The following RYR2 variants were observed in gnomAD, a reference collection of about 807,000 sequenced individuals.
RYR2 encodes ryanodine receptor 2, also known as cardiac muscle ryanodine receptor-calcium release channel.
A neutral mutation model predicts 601.1 loss-of-function variants in RYR2; 227 were observed. That is an observed-to-expected ratio of 0.38 (90% CI 0.34 to 0.42). The LOEUF (loss-of-function observed/expected upper bound fraction) is 0.42, where lower values mean the gene tolerates loss of function less well. RYR2 is among the 10% of genes least tolerant of loss of function. The probability of loss-of-function intolerance (pLI) is 1.00; values close to 1 mark genes in which losing one functional copy is unlikely to be tolerated. For synonymous variants in RYR2, 2,223 were observed against 2,175.1 expected (o/e 1.02, Z -0.61); for missense variants, 4,646 against 6,156.5 (o/e 0.75, Z 8.21).
In RYR2 at chr1:237,784,773, T is replaced by G. The variant is rs1361307283; in HGVS notation, c.13061T>G (p.Leu4354Arg). Residue 4354 changes from leucine (L) to arginine (R), a missense_variant, in exon 90 of 105, where the codon CTG becomes CGG. Leu to Arg is a moderately radical substitution (Grantham distance 102). Coordinates refer to ENST00000366574, the MANE Select transcript of RYR2 (RefSeq NM_001035.3). The surrounding 1 kb of genome is among the most constrained non-coding windows in gnomAD (Gnocchi z 7.1). Reference sequence around the variant, plus strand: ...GGGGAGGAGGGAGAGAGGAAACCCCTGGAAGCCGCCCTGCCCTCCGAGGAT... The same window carrying G: ...GGGGAGGAGGGAGAGAGGAAACCCCGGGAAGCCGCCCTGCCCTCCGAGGAT... Reference protein sequence around the residue: ...GDGEEGERKPLEAALPSEDLT... With the variant: ...GDGEEGERKPREAALPSEDLT... 1.9e-6 allele frequency: 3 copies of G among 1,605,990 alleles called. No homozygotes were observed. Among genetic ancestry groups the G allele is most frequent in the Non-Finnish European group, 2.6e-6 (3 of 1,175,160 alleles).
Position 237,594,892 on chromosome 1 carries a change from T to TTTG in RYR2, c.4437-604_4437-603insGTT, listed in dbSNP as rs1573019166. Among the ~76,000 whole-genome samples the TTTG allele has an allele frequency of 8.0e-4, 12 of 15,006 alleles. 1 individual carries two copies. Among genetic ancestry groups the TTTG allele is most frequent in the African/African-American group, 1.3e-3 (12 of 8,996 alleles). The allele number at this position is 15,006 out of a possible 152,430, so 9.8% of individuals were successfully genotyped here. A position where few individuals can be genotyped will look rare whatever the true frequency, so the allele number is the denominator to read the frequency against. On this transcript the variant is annotated intron_variant, in intron 33 of 104. Coordinates refer to ENST00000366574, the MANE Select transcript of RYR2 (RefSeq NM_001035.3). Reference sequence around the variant, plus strand: ...TTGTGGTTAATATCACTGGGTTTTTTTTTTTTTTTTTTTTTTTTTTTTTTT... The same window carrying TTTG: ...TTGTGGTTAATATCACTGGGTTTTTTTTGTTTTTTTTTTTTTTTTTTTTTTTTT...
chr1:237,205,481 G>A (rs1052706409), intron 1 of RYR2, among the ~76,000 whole-genome samples: 1 of 152,156 alleles, frequency 6.6e-6, no homozygotes, highest in Non-Finnish European at 1.5e-5. Context: ...TGCCATGGTG[G>A]CGTTTGTGGC....
At chr1:237,126,129 C>A (rs370015314) in intron 1 of RYR2, among the ~76,000 whole-genome samples, 1 of 151,640 alleles carries the variant, frequency 6.6e-6, no homozygotes, top group African/African-American at 2.4e-5. Context: ...CCCAGCTACT[C>A]GGGAGGCTGA....
intron 2 of RYR2, among the ~76,000 whole-genome samples, chr1:237,321,408 G>A (rs1695619045): frequency 6.6e-6 from 1 of 152,076 alleles, no homozygotes; most frequent in African/African-American, 2.4e-5. Flanking sequence ...TTAAATAACA[G>A]ATTTCTTAAC....
chr1:237,522,177 T>C (rs918776266), intron 24 of RYR2, among the ~76,000 whole-genome samples: 3 of 152,026 alleles, frequency 2.0e-5, no homozygotes, highest in Non-Finnish European at 2.9e-5. Context: ...TTTCTATGCC[T>C]GGCTCTCATC....
rs551508675 is a variant in RYR2, at chr1:237,597,471, G to A, written c.4596+1814G>A. The stretch of plus-strand genomic sequence containing the variant: ...TAATTTTTGTATTTTTAATAGAGAT[G>A]GGGTTTCACGATGTTGGCCAGGATG... On this transcript the variant is annotated intron_variant, in intron 34 of 104. Coordinates refer to ENST00000366574, the MANE Select transcript of RYR2 (RefSeq NM_001035.3). 5.9e-5 allele frequency among the ~76,000 whole-genome samples: 9 copies of A among 151,710 alleles called. No homozygotes were observed. The South Asian group carries it at 1.9e-3, about 32-fold the overall frequency.
At chr1:237,478,573 T>C (rs948006363) in intron 17 of RYR2, among the ~76,000 whole-genome samples, 1 of 152,236 alleles carries the variant, frequency 6.6e-6, no homozygotes, top group African/African-American at 2.4e-5. Context: ...GAATTTCAGA[T>C]GGAAACGCAT....
At chr1:237,430,102 G>GTATATAACATATATAACATTCATA (rs1706641062) in intron 12 of RYR2, among the ~76,000 whole-genome samples, 2 of 148,868 alleles carry the variant, frequency 1.3e-5, no homozygotes, top group Admixed American at 6.7e-5. Context: ...ATATTGTTAG[G>GTATATAACATATATAACATTCATA]TATATAACAT....
At chr1:237,052,256 C>T (rs961450823) in intron 1 of RYR2, among the ~76,000 whole-genome samples, 2 of 152,076 alleles carry the variant, frequency 1.3e-5, no homozygotes, top group South Asian at 2.1e-4. Flanking sequence ...GAACAGTAAG[C>T]TTATGGTTCT....
chr1:237,524,528 A>C (rs1489900003), intron 24 of RYR2, among the ~76,000 whole-genome samples: 2 of 152,164 alleles, frequency 1.3e-5, no homozygotes, highest in Non-Finnish European at 2.9e-5. Context: ...AGCCTCTAAA[A>C]AGTACATTTT....
chr1:237,356,804 A>T (rs567577431), intron 4 of RYR2, among the ~76,000 whole-genome samples: 6 of 152,344 alleles, frequency 3.9e-5, no homozygotes, highest in African/African-American at 1.4e-4. Context: ...CTCAAGACTG[A>T]TATTCCTACT....
chr1:237,617,335 T>C lies in RYR2; in HGVS notation c.5765T>C (p.Ile1922Thr). ...TGTGACTGCCAGGTCCGGCACCGGA[T>C]AGAAGCCATTGTAGCCTTTTCAGAT... ...YLCDCQVRHR[I>T]EAIVAFSDDF... is the part of the protein sequence containing the mutation. The change falls in exon 38 of 105, where the codon ATA becomes ACA. Residue 1922 changes from isoleucine to threonine, a missense_variant. Transcript: ENST00000366574. 6.2e-7 allele frequency: 1 copy of C among 1,613,898 alleles called. No homozygotes were observed. The highest frequency in any genetic ancestry group is 8.5e-7 in the Non-Finnish European group (1 of 1,179,830).
chr1:237,149,531 T>C (rs939000635), intron 1 of RYR2, among the ~76,000 whole-genome samples: 3 of 152,080 alleles, frequency 2.0e-5, no homozygotes, highest in South Asian at 2.1e-4. Flanking sequence ...GGATTAACCA[T>C]AGGTAGCATT....
chr1:237,775,096 CAG>C (rs1694561563), intron 87 of RYR2, among the ~76,000 whole-genome samples: 13 of 107,036 alleles, frequency 1.2e-4, no homozygotes, highest in Admixed American at 3.7e-4. Flanking sequence ...AAAAAAAAAA[CAG>C]AAGTAACAAG....
At chr1:237,529,277 A>G (rs928205577) in intron 24 of RYR2, among the ~76,000 whole-genome samples, 8 of 152,158 alleles carry the variant, frequency 5.3e-5, no homozygotes, top group African/African-American at 9.7e-5. Flanking sequence ...TGTACCTTCA[A>G]TCAGCTCTTG....
At chr1:237,459,910 C>T (rs1340181154) in intron 16 of RYR2, among the ~76,000 whole-genome samples, 1 of 152,070 alleles carries the variant, frequency 6.6e-6, no homozygotes, top group African/African-American at 2.4e-5. Flanking sequence ...GAGAAAGGAG[C>T]TCTTGAAGGT....
chr1:237,434,095 T>TAAA (rs1707113734), intron 12 of RYR2, among the ~76,000 whole-genome samples: 1 of 152,208 alleles, frequency 6.6e-6, no homozygotes, highest in East Asian at 1.9e-4. Context: ...ACCCTTGCAT[T>TAAA]TACCTGAGCA....
At chr1:237,300,154 A>T (rs1235991441) in intron 2 of RYR2, among the ~76,000 whole-genome samples, 1 of 152,130 alleles carries the variant, frequency 6.6e-6, no homozygotes, top group Non-Finnish European at 1.5e-5. Context: ...AATATAGGGG[A>T]GTGCTGTAAC....
At chr1:237,325,600 A>T (rs750157551) in intron 2 of RYR2, among the ~76,000 whole-genome samples, 16 of 152,130 alleles carry the variant, frequency 1.1e-4, no homozygotes, top group Non-Finnish European at 1.8e-4. Flanking sequence ...AGGCAGGAGA[A>T]TGGCGTGAAC....
Sources: allele counts gnomAD v4.1 joint callset (sites outside exome capture counted in the v4.1 genomes callset), GRCh38; gene constraint gnomAD v4.1.1; non-coding constraint Gnocchi (gnomAD v3.1); transcripts MANE v1.5; gene names NCBI Gene and HGNC (gene_info 2026-07-23, HGNC 2026-07-21).